The following BMP8A variants were observed in gnomAD, a reference collection of about 807,000 sequenced individuals.
BMP8A encodes the protein BMP-8A.
Under a neutral mutation model 36.8 loss-of-function variants are expected in BMP8A, and 14 were observed. The observed-to-expected ratio is 0.38, with a 90% CI of 0.25 to 0.60. The LOEUF (loss-of-function observed/expected upper bound fraction) is 0.60, where lower values mean the gene tolerates loss of function less well. Among genes scored for constraint, BMP8A ranks in the 20% least tolerant of loss-of-function variants. The probability of loss-of-function intolerance (pLI) is 0.63; values close to 1 mark genes in which losing one functional copy is unlikely to be tolerated. For missense variants in BMP8A, 267 were observed against 551.1 expected (o/e 0.48, Z 5.16); for synonymous variants, 120 against 237.7 (o/e 0.50, Z 4.55).
chr1:39,522,883 G>A, intron 5 of BMP8A, 124 bp from the exon 6 acceptor site: 3 of 990,334 alleles, frequency 3.0e-6, no homozygotes, highest in Non-Finnish European at 4.5e-6. Context: ...TTTTCCGCCG[G>A]GGGTTCCTGG....
At position 39,493,062 on chromosome 1, in the gene BMP8A, T is replaced by C. The variant is rs757131482; in HGVS notation, c.334+737T>C. 7.2e-4 allele frequency among the ~76,000 whole-genome samples: 109 copies of C among 152,194 alleles called. 4 individuals carry two copies. The highest frequency in any genetic ancestry group is 2.4e-4 in the Non-Finnish European group (16 of 68,024). On this transcript the variant is annotated intron_variant, in intron 1 of 6. Transcript: ENST00000331593. ...GCTATTTATTCCTTAAGATCTCAGA[T>C]TTTTCTTTTCCAGTACTAAACTCTT...
Position 39,492,122 on chromosome 1 carries a change from T to C in BMP8A, c.131T>C (p.Val44Ala). 2 of 1,218,172 alleles carry C rather than the reference T, an allele frequency of 1.6e-6. No homozygotes were observed. The highest frequency in any genetic ancestry group is 3.3e-5 in the South Asian group (1 of 30,516). The allele number at this position is 1,218,172 out of a possible 1,614,324, so 75.5% of individuals were successfully genotyped here. ...RRLGARERRD[V>A]QREILAVLGL... ...CTGGGCGCGCGCGAGCGCCGGGACG[T>C]GCAGCGCGAGATCCTGGCGGTGCTC... The change falls in exon 1 of 7, where the codon GTG becomes GCG. Residue 44 changes from valine (V) to alanine (A), a missense_variant. By Grantham distance (64) the Val-to-Ala change is moderately conservative. Coordinates refer to ENST00000331593, the MANE Select transcript of BMP8A (RefSeq NM_181809.4).
Position 39,526,634 on chromosome 1 carries a change from G to A in BMP8A, c.*836G>A, listed in dbSNP as rs1299849312. On this transcript the variant is annotated 3_prime_UTR_variant, in exon 7 of 7. Transcript: ENST00000331593. Reference sequence around the variant, plus strand: ...ATGACAGGCATGAGCCACCGTGCCTGGCCACTGGGGATATTTTATGTCATG... The same window carrying A: ...ATGACAGGCATGAGCCACCGTGCCTAGCCACTGGGGATATTTTATGTCATG... Among the ~76,000 whole-genome samples, 2 of 151,964 alleles carry A rather than the reference G, an allele frequency of 1.3e-5. No homozygotes were observed. Among genetic ancestry groups the A allele is most frequent in the Admixed American group, 6.6e-5 (1 of 15,266 alleles).
chr1:39,494,358 T>TC (rs1395297809), intron 1 of BMP8A, among the ~76,000 whole-genome samples: 14 of 151,380 alleles, frequency 9.2e-5, no homozygotes, highest in Non-Finnish European at 1.3e-4. Context: ...TTTTCTTTTT[T>TC]TTTTTTTTAA....
intron 1 of BMP8A, among the ~76,000 whole-genome samples, chr1:39,500,632 C>CAAA (rs34380723): frequency 2.9e-5 from 3 of 102,252 alleles, no homozygotes; most frequent in Non-Finnish European, 4.1e-5. Context: ...GAGTAATTTA[C>CAAA]AAAAAAAAAA....
In BMP8A at chr1:39,528,772, T is replaced by C. The variant is rs1246086672; in HGVS notation, c.*2974T>C. On this transcript the variant is annotated 3_prime_UTR_variant, in exon 7 of 7. Coordinates refer to ENST00000331593, the MANE Select transcript of BMP8A (RefSeq NM_181809.4). ...AGGCTGGAGTGCAGTGGCAGTGTCA[T>C]GGCTCACTGCAGCCTCAACCTGCTG... 6.6e-6 allele frequency among the ~76,000 whole-genome samples: 1 copy of C among 151,704 alleles called. No homozygotes were observed. Among genetic ancestry groups the C allele is most frequent in the Admixed American group, 6.6e-5 (1 of 15,214 alleles).
chr1:39,502,417 T>C (rs1308683894), intron 1 of BMP8A, among the ~76,000 whole-genome samples: 2 of 152,178 alleles, frequency 1.3e-5, no homozygotes, highest in African/African-American at 4.8e-5. Context: ...CCTAAAAGTA[T>C]TGACACTCCA....
At position 39,527,886 on chromosome 1, in the gene BMP8A, C is replaced by A. The variant is rs1446712785; in HGVS notation, c.*2088C>A. On this transcript the variant is annotated 3_prime_UTR_variant, in exon 7 of 7. Transcript: ENST00000331593. ...CCAAAGGCTCTTCCAACCCAGAGAACCCATCTGCCCCCATGACCTTCTCCC... is the reference window on the plus strand; with the variant it reads ...CCAAAGGCTCTTCCAACCCAGAGAAACCATCTGCCCCCATGACCTTCTCCC... Among the ~76,000 whole-genome samples the A allele has an allele frequency of 6.6e-6, 1 of 152,220 alleles. No homozygotes were observed. Among genetic ancestry groups the A allele is most frequent in the Non-Finnish European group, 1.5e-5 (1 of 68,036 alleles).
chr1:39,492,058 C>T lies in BMP8A; in HGVS notation c.67C>T (p.Pro23Ser). The change falls in exon 1 of 7, where the codon CCC becomes TCC. Residue 23 changes from proline to serine, a missense_variant. Coordinates refer to ENST00000331593, the MANE Select transcript of BMP8A (RefSeq NM_181809.4). Reference sequence around the variant, plus strand: ...GTTGTGCGCGCTGGGCGGGGGCGGCCCCGGCCTGCGACCCCCGCCCGGCTG... The same window carrying T: ...GTTGTGCGCGCTGGGCGGGGGCGGCTCCGGCCTGCGACCCCCGCCCGGCTG... ...LTLCALGGGG[P>S]GLRPPPGCPQ... 5.4e-6 allele frequency: 6 copies of T among 1,106,892 alleles called. No homozygotes were observed. Among genetic ancestry groups the T allele is most frequent in the Non-Finnish European group, 6.6e-6 (6 of 910,220 alleles). 68.6% of individuals were successfully genotyped at this position (1,106,892 alleles called of 1,614,324 possible).
chr1:39,496,762 T>TC (rs1645208533), intron 1 of BMP8A, among the ~76,000 whole-genome samples: 1 of 152,140 alleles, frequency 6.6e-6, no homozygotes, highest in Non-Finnish European at 1.5e-5. Context: ...CCAGGCCAGG[T>TC]CCCCGCCTAT....
intron 1 of BMP8A, among the ~76,000 whole-genome samples, chr1:39,496,931 T>A (rs112827862): frequency 2.2e-4 from 34 of 152,334 alleles, no homozygotes; most frequent in African/African-American, 7.5e-4. Flanking sequence ...GTAACTTGGG[T>A]GCCCCTAGGG....
intron 1 of BMP8A, among the ~76,000 whole-genome samples, chr1:39,498,016 CA>C (rs1645220692): frequency 6.6e-6 from 1 of 152,228 alleles, no homozygotes. Flanking sequence ...ACCCCCATCC[CA>C]ATATGTCCCA....
At chr1:39,515,324 G>A in intron 3 of BMP8A, 1 of 937,746 alleles carries the variant, frequency 1.1e-6, no homozygotes, top group Non-Finnish European at 1.6e-6. Context: ...CCCTGTGCGA[G>A]AGCCAGTACC....
chr1:39,526,575 G>A lies in BMP8A; in HGVS notation c.*777G>A, dbSNP rs533739663. On this transcript the variant is annotated 3_prime_UTR_variant, in exon 7 of 7. Transcript: ENST00000331593. ...GCTGGTCTTGAACTCCTGACCTCAG[G>A]TGATCCACCCGCCCGGCCTCCCAAA... is the stretch of plus-strand genomic sequence containing the variant. Among the ~76,000 whole-genome samples the A allele has an allele frequency of 1.3e-5, 2 of 152,194 alleles. No homozygotes were observed. The highest frequency in any genetic ancestry group is 4.2e-4 in the South Asian group (2 of 4,818).
intron 1 of BMP8A, among the ~76,000 whole-genome samples, chr1:39,493,779 G>A (rs1645181763): frequency 6.6e-6 from 1 of 152,204 alleles, no homozygotes; most frequent in East Asian, 1.9e-4. Flanking sequence ...TGTGAAGCTG[G>A]GGCTGGGGCT....
intron 3 of BMP8A, among the ~76,000 whole-genome samples, chr1:39,517,245 C>T (rs1480819027): frequency 6.6e-6 from 1 of 151,998 alleles, no homozygotes; most frequent in Non-Finnish European, 1.5e-5. Flanking sequence ...GATCCACTTG[C>T]CTCAGCCTCC....
intron 1 of BMP8A, among the ~76,000 whole-genome samples, chr1:39,507,935 T>C (rs953102773): frequency 3.9e-5 from 6 of 152,188 alleles, no homozygotes; most frequent in South Asian, 2.1e-4. Context: ...TAGATTTCTC[T>C]CATTCCATAC....
chr1:39,509,831 G>A (rs1645337609), intron 1 of BMP8A, among the ~76,000 whole-genome samples: 1 of 152,238 alleles, frequency 6.6e-6, no homozygotes, highest in Non-Finnish European at 1.5e-5. Context: ...AAGGCACTGG[G>A]CGGCTCCCAC....
intron 1 of BMP8A, among the ~76,000 whole-genome samples, chr1:39,494,213 G>A (rs570675182): frequency 3.3e-5 from 5 of 152,310 alleles, no homozygotes; most frequent in Admixed American, 1.3e-4. Flanking sequence ...CACATGTCTT[G>A]TACACGTGAA....
Sources: allele counts gnomAD v4.1 joint callset (sites outside exome capture counted in the v4.1 genomes callset), GRCh38; gene constraint gnomAD v4.1.1; transcripts MANE v1.5; gene names NCBI Gene and HGNC (gene_info 2026-07-23, HGNC 2026-07-21).